Variants in FOXP1 observed in about 807,000 individuals in gnomAD.
FOXP1 encodes the protein forkhead box protein P1.
In FOXP1, 15 loss-of-function variants were observed where a neutral mutation model predicts 98.2. That is an observed-to-expected ratio of 0.15 (90% confidence interval 0.10 to 0.24). The LOEUF is 0.24. FOXP1 is among the 10% of genes least tolerant of loss of function. The probability of loss-of-function intolerance (pLI) is 1.00; values close to 1 mark genes in which losing one functional copy is unlikely to be tolerated. For missense variants in FOXP1, 633 were observed against 848.5 expected (o/e 0.75, Z 3.15); for synonymous variants, 371 against 314.5 (o/e 1.18, Z -1.90).
At chr3:71,484,902 G>A (rs984150191) in intron 3 of FOXP1, among the ~76,000 whole-genome samples, 1 of 152,138 alleles carries the variant, frequency 6.6e-6, no homozygotes, top group Non-Finnish European at 1.5e-5. Context: ...ACTGCCCGTA[G>A]GAAGATTACA....
chr3:71,285,217 A>G (rs1212629405), intron 5 of FOXP1, among the ~76,000 whole-genome samples: 1 of 152,154 alleles, frequency 6.6e-6, no homozygotes, highest in African/African-American at 2.4e-5. Flanking sequence ...AACACACATC[A>G]TTATCCTCTT....
intron 4 of FOXP1, among the ~76,000 whole-genome samples, chr3:71,330,727 T>C (rs2076240105): frequency 6.6e-6 from 1 of 152,248 alleles, no homozygotes; most frequent in South Asian, 2.1e-4. Context: ...AATAAGGTTA[T>C]GTGGCAACAT....
At chr3:71,513,486 T>C (rs2042347429) in intron 2 of FOXP1, among the ~76,000 whole-genome samples, 1 of 152,132 alleles carries the variant, frequency 6.6e-6, no homozygotes, top group South Asian at 2.1e-4. Flanking sequence ...CCCGCCAAGC[T>C]TCCTAACAGG....
rs1174257750 is a variant in FOXP1 at position 70,980,858 on chromosome 3, G to C, written c.1147-2829C>G. Among the ~76,000 whole-genome samples the C allele has an allele frequency of 2.0e-5, 3 of 152,326 alleles. 1 individual carries two copies. Among genetic ancestry groups the C allele is most frequent in the Admixed American group, 6.5e-5 (1 of 15,298 alleles). ...AAAGGTACACAGTAACCACAAAGCA[G>C]TTCTGAGGACTGACTATACTTCTCG... is the stretch of plus-strand genomic sequence containing the variant. On this transcript the variant is annotated intron_variant, in intron 14 of 20. Coordinates refer to ENST00000649528, the MANE Select transcript of FOXP1 (RefSeq NM_001349338.3).
intron 3 of FOXP1, among the ~76,000 whole-genome samples, chr3:71,475,212 C>G (rs145311403): frequency 6.6e-6 from 1 of 152,182 alleles, no homozygotes; most frequent in East Asian, 1.9e-4. Flanking sequence ...AACCCCATGC[C>G]GTCCTATAAT....
At chr3:71,220,884 C>T (rs997652281) in intron 5 of FOXP1, among the ~76,000 whole-genome samples, 2 of 150,676 alleles carry the variant, frequency 1.3e-5, no homozygotes, top group African/African-American at 2.4e-5. Flanking sequence ...AAGTTCTGGT[C>T]CTCACAACTA....
intron 4 of FOXP1, among the ~76,000 whole-genome samples, chr3:71,323,036 T>C (rs1000469997): frequency 4.0e-5 from 6 of 151,766 alleles, no homozygotes; most frequent in South Asian, 4.2e-4. Flanking sequence ...AGTGGCGTTA[T>C]CTTGGCTCAT....
intron 4 of FOXP1, among the ~76,000 whole-genome samples, chr3:71,355,503 A>AGT (rs1022779184): frequency 1.3e-5 from 2 of 152,188 alleles, no homozygotes; most frequent in African/African-American, 4.8e-5. Context: ...AGAAGGAGTG[A>AGT]GTCCTGGGAG....
intron 3 of FOXP1, among the ~76,000 whole-genome samples, chr3:71,413,488 T>C (rs2082960996): frequency 6.6e-6 from 1 of 152,178 alleles, no homozygotes; most frequent in South Asian, 2.1e-4. Context: ...TCTGTCTTTT[T>C]GTCCGTCACT....
chr3:71,470,409 T>TA (rs1297494737), intron 3 of FOXP1, among the ~76,000 whole-genome samples: 1 of 152,240 alleles, frequency 6.6e-6, no homozygotes, highest in Non-Finnish European at 1.5e-5. Context: ...TCTTCTTTCT[T>TA]AATGACTTGA....
chr3:71,384,217 A>AAAACAAAC (rs57270594), intron 3 of FOXP1, among the ~76,000 whole-genome samples: 7 of 152,088 alleles, frequency 4.6e-5, no homozygotes, highest in African/African-American at 1.7e-4. Context: ...CCGTCTCAGC[A>AAAACAAAC]AAACAAACAA....
chr3:71,184,010 G>A (rs1000135412), intron 6 of FOXP1, among the ~76,000 whole-genome samples: 3 of 152,064 alleles, frequency 2.0e-5, no homozygotes, highest in African/African-American at 4.8e-5. Flanking sequence ...AAATTAGCCC[G>A]GCGAGGTGGT....
chr3:71,404,204 C>T (rs948428491), intron 3 of FOXP1, among the ~76,000 whole-genome samples: 17 of 143,578 alleles, frequency 1.2e-4, no homozygotes, highest in Non-Finnish European at 1.7e-4. Context: ...CTTGGCTCAC[C>T]GCAACCTCCG....
At chr3:71,029,385 G>A (rs1007800521) in intron 11 of FOXP1, among the ~76,000 whole-genome samples, 1 of 151,902 alleles carries the variant, frequency 6.6e-6, no homozygotes, top group African/African-American at 2.4e-5. Context: ...TGTTCCACTA[G>A]TGCTCTTTTT....
At chr3:71,377,082 G>A (rs537143146) in intron 3 of FOXP1, among the ~76,000 whole-genome samples, 1 of 152,098 alleles carries the variant, frequency 6.6e-6, no homozygotes, top group Non-Finnish European at 1.5e-5. Flanking sequence ...GTGTTAAAAC[G>A]TGAGTCAATG....
At chr3:71,107,608 TA>T (rs909685447) in intron 7 of FOXP1, among the ~76,000 whole-genome samples, 13 of 149,402 alleles carry the variant, frequency 8.7e-5, no homozygotes, top group African/African-American at 2.0e-4. Flanking sequence ...CTCTAGACAT[TA>T]AAAAAAAAAG....
At chr3:71,242,591 G>A (rs1212164488) in intron 5 of FOXP1, among the ~76,000 whole-genome samples, 1 of 152,150 alleles carries the variant, frequency 6.6e-6, no homozygotes, top group Admixed American at 6.5e-5. Flanking sequence ...TGTCAGAAGA[G>A]TTTCTATACA....
At chr3:71,515,104 T>C (rs138737795) in intron 2 of FOXP1, among the ~76,000 whole-genome samples, 1 of 152,280 alleles carries the variant, frequency 6.6e-6, no homozygotes, top group African/African-American at 2.4e-5. Flanking sequence ...GTTTGTGAAT[T>C]TTACGACAGA....
chr3:71,310,196 G>C (rs2107616595), intron 4 of FOXP1, among the ~76,000 whole-genome samples: 1 of 152,272 alleles, frequency 6.6e-6, no homozygotes, highest in African/African-American at 2.4e-5. Context: ...CATGAAACCA[G>C]CAACTCTACA....
Sources: allele counts gnomAD v4.1 joint callset (sites outside exome capture counted in the v4.1 genomes callset), GRCh38; gene constraint gnomAD v4.1.1; transcripts MANE v1.5; gene names NCBI Gene and HGNC (gene_info 2026-07-23, HGNC 2026-07-21).